Variants in ADGRL2 observed in about 807,000 individuals in gnomAD.
ADGRL2 encodes the protein adhesion G protein-coupled receptor L2, also known as calcium-independent alpha-latrotoxin receptor 2.
ADGRL2 carries 44 observed loss-of-function variants against 157.4 expected under a neutral mutation model. That is an observed-to-expected ratio of 0.28 (90% confidence interval 0.22 to 0.36). The LOEUF is 0.36. ADGRL2 is among the 10% of genes least tolerant of loss of function. The probability of loss-of-function intolerance (pLI) is 1.00; values close to 1 mark genes in which losing one functional copy is unlikely to be tolerated. For missense variants in ADGRL2, 1,510 were observed against 1,768.9 expected, an observed-to-expected ratio of 0.85 and a Z score of 2.63; for synonymous variants, 585 against 624.7, an observed-to-expected ratio of 0.94 and a Z score of 0.95.
chr1:81,454,025 C>T (rs2077751763), intron 2 of ADGRL2, among the ~76,000 whole-genome samples: 1 of 152,120 alleles, frequency 6.6e-6, no homozygotes, highest in African/African-American at 2.4e-5. Context: ...TACTTATGGA[C>T]TTAAGGTGCC....
At chr1:81,664,332 G>A (rs1419762490) in intron 3 of ADGRL2, among the ~76,000 whole-genome samples, 2 of 151,878 alleles carry the variant, frequency 1.3e-5, no homozygotes, top group African/African-American at 4.8e-5. Context: ...CATAATTCAA[G>A]GGGATGTTAA....
In ADGRL2 at chr1:81,506,481, G is replaced by A. The variant is rs550539614; in HGVS notation, c.-248+61392G>A. Among the ~76,000 whole-genome samples, 6 of 152,162 alleles carry A rather than the reference G, an allele frequency of 3.9e-5. No homozygotes were observed. The South Asian group carries it at 1.2e-3, about 32-fold the overall frequency. ...CCCAGCACTTTGGGAGGCTGAGGTG[G>A]GAAGGATCACTTGAGACCAGGAGTT... On this transcript the variant is annotated intron_variant, in intron 2 of 24. Transcript: ENST00000370721.
At chr1:81,662,594 G>T (rs1229030653) in intron 3 of ADGRL2, among the ~76,000 whole-genome samples, 1 of 142,624 alleles carries the variant, frequency 7.0e-6, no homozygotes, top group Non-Finnish European at 1.5e-5. Flanking sequence ...TCGCTCTGTC[G>T]CCCAGGCTAG....
chr1:81,952,707 A>G (rs1458672583), intron 9 of ADGRL2, among the ~76,000 whole-genome samples: 1 of 151,292 alleles, frequency 6.6e-6, no homozygotes, highest in Non-Finnish European at 1.5e-5. Flanking sequence ...ATCTGTGCCT[A>G]ATGTGGTTCT....
At chr1:81,677,587 T>C (rs139453376) in intron 3 of ADGRL2, among the ~76,000 whole-genome samples, 224 of 152,292 alleles carry the variant, frequency 1.5e-3, no homozygotes, top group African/African-American at 5.1e-3. Flanking sequence ...GTCCTATTAG[T>C]TATCAAGGCC....
intron 2 of ADGRL2, among the ~76,000 whole-genome samples, chr1:81,906,654 A>G (rs1254918465): frequency 1.3e-5 from 2 of 152,198 alleles, no homozygotes; most frequent in Non-Finnish European, 2.9e-5. Context: ...ATTCCATTGC[A>G]CAAATGAAAA....
intron 2 of ADGRL2, among the ~76,000 whole-genome samples, chr1:81,578,197 T>C (rs2080834181): frequency 6.6e-6 from 1 of 152,132 alleles, no homozygotes; most frequent in African/African-American, 2.4e-5. Context: ...CCCACTCTTA[T>C]CTCACAGGTA....
In ADGRL2 at chr1:81,542,587, T is replaced by C. The variant is rs147184822; in HGVS notation, c.-247-38289T>C. On this transcript the variant is annotated intron_variant, in intron 2 of 24. Coordinates refer to the ADGRL2 transcript ENST00000370721. The stretch of plus-strand genomic sequence containing the variant: ...TATAATTTAAACATTTAGGCTCTAA[T>C]TTGCAAGACATTTTCAGAATAGTAA... Among the ~76,000 whole-genome samples the C allele has an allele frequency of 9.9e-4, 151 of 152,310 alleles. 1 individual carries two copies. Among genetic ancestry groups the C allele is most frequent in the African/African-American group, 3.4e-3 (142 of 41,554 alleles).
At chr1:81,320,592 G>T (rs944248412) in intron 1 of ADGRL2, among the ~76,000 whole-genome samples, 2 of 152,204 alleles carry the variant, frequency 1.3e-5, no homozygotes, top group Non-Finnish European at 2.9e-5. Context: ...ATTTCTTTGT[G>T]CATCTTCATC....
At chr1:81,346,517 T>A (rs1662493539) in intron 1 of ADGRL2, among the ~76,000 whole-genome samples, 1 of 152,292 alleles carries the variant, frequency 6.6e-6, no homozygotes, top group South Asian at 2.1e-4. Context: ...TACCTGGAGA[T>A]AGAGACTTTA....
chr1:81,407,462 C>T (rs139857318), intron 1 of ADGRL2, among the ~76,000 whole-genome samples: 38 of 152,286 alleles, frequency 2.5e-4, no homozygotes, highest in African/African-American at 8.7e-4. Flanking sequence ...TGGAGACTGC[C>T]CACTGTTACA....
At chr1:81,907,690 A>C (rs1051752299) in intron 3 of ADGRL2, among the ~76,000 whole-genome samples, 5 of 152,080 alleles carry the variant, frequency 3.3e-5, no homozygotes, top group African/African-American at 1.2e-4. Flanking sequence ...GAGATTTCTC[A>C]TATGATCCAT....
intron 1 of ADGRL2, among the ~76,000 whole-genome samples, chr1:81,390,767 G>A (rs1285220317): frequency 6.6e-6 from 1 of 152,290 alleles, no homozygotes; most frequent in Non-Finnish European, 1.5e-5. Flanking sequence ...TTCTTTTTTG[G>A]TACTGCAAAG....
intron 1 of ADGRL2, among the ~76,000 whole-genome samples, chr1:81,353,888 C>T (rs569213096): frequency 2.0e-4 from 30 of 152,086 alleles, no homozygotes; most frequent in Non-Finnish European, 4.0e-4. Flanking sequence ...AGGGCGACAG[C>T]GTCCCAGGTA....
In ADGRL2 at chr1:81,775,560, G is replaced by A. The variant is rs577876141; in HGVS notation, c.-101+13708G>A. 1.3e-4 allele frequency among the ~76,000 whole-genome samples: 19 copies of A among 151,594 alleles called. No individual in the cohort carries two copies. In the South Asian group the frequency reaches 1.5e-3, roughly 12 times the overall value. ...GATTCTTGCATTTGTGGAGCATTCA[G>A]CTTGGGTAATAGAGGTCCTGGTTTA... On this transcript the variant is annotated intron_variant, in intron 2 of 20. Coordinates refer to the ADGRL2 transcript ENST00000359929.
At chr1:81,502,094 G>A in intron 2 of ADGRL2, 1 of 1,595,822 alleles carries the variant, frequency 6.3e-7, no homozygotes, top group Non-Finnish European at 8.5e-7. Flanking sequence ...GGACGGGGAT[G>A]ATGAAGTTGC....
intron 2 of ADGRL2, among the ~76,000 whole-genome samples, chr1:81,858,996 T>C (rs2093302791): frequency 6.6e-6 from 1 of 152,190 alleles, no homozygotes; most frequent in South Asian, 2.1e-4. Context: ...AAATGTAATT[T>C]TGATATATAC....
chr1:81,689,066 C>T (rs533345800), intron 3 of ADGRL2, among the ~76,000 whole-genome samples: 374 of 152,202 alleles, frequency 2.5e-3, no homozygotes, highest in Non-Finnish European at 4.6e-3. Context: ...TCCACCAGTG[C>T]CTGTTCTGGT....
intron 6 of ADGRL2, among the ~76,000 whole-genome samples, chr1:81,947,164 G>T (rs1326326683): frequency 6.6e-6 from 1 of 152,038 alleles, no homozygotes; most frequent in African/African-American, 2.4e-5. Context: ...TATAAAAAAG[G>T]GTTTGGATTA....
Sources: gnomAD v4.1 joint callset for allele counts (sites outside exome capture counted in the v4.1 genomes callset) on GRCh38, gnomAD v4.1.1 for gene constraint, MANE v1.5 for transcripts, NCBI Gene and HGNC (gene_info 2026-07-23, HGNC 2026-07-21) for gene names.